The following MFHAS1 variants were observed in gnomAD, a reference collection of about 807,000 sequenced individuals.
MFHAS1 encodes the protein multifunctional ROCO family signaling regulator 1, also known as malignant fibrous histiocytoma-amplified sequence 1.
Under a neutral mutation model 70.4 loss-of-function variants are expected in MFHAS1, and 50 were observed. The ratio of observed to expected loss-of-function variants is 0.71; its 90% CI spans 0.57 to 0.90. The LOEUF (loss-of-function observed/expected upper bound fraction) is 0.90. Among genes scored for constraint, MFHAS1 ranks in the 40% least tolerant of loss-of-function variants. The probability of loss-of-function intolerance (pLI) is 0.00; values close to 1 mark genes in which losing one functional copy is unlikely to be tolerated. For synonymous variants in MFHAS1, 952 were observed against 620.0 expected (o/e 1.54, Z -7.96); for missense variants, 1,795 against 1,347.6 (o/e 1.33, Z -5.20).
intron 1 of MFHAS1, among the ~76,000 whole-genome samples, chr8:8,842,174 C>T (rs936406573): frequency 6.6e-6 from 1 of 151,986 alleles, no homozygotes; most frequent in Non-Finnish European, 1.5e-5. Flanking sequence ...TGTAACTTCA[C>T]AGGTCTGATT....
At chr8:8,863,283 T>G (rs1359139505) in intron 1 of MFHAS1, among the ~76,000 whole-genome samples, 1 of 152,196 alleles carries the variant, frequency 6.6e-6, no homozygotes, top group Non-Finnish European at 1.5e-5. Context: ...GTACTGATTT[T>G]TAAATAATTT....
At chr8:8,786,110 G>A (rs1805533664) in intron 2 of MFHAS1, 55 bp from the exon 3 acceptor site, 2 of 1,459,592 alleles carry the variant, frequency 1.4e-6, no homozygotes, top group Admixed American at 3.3e-5. Flanking sequence ...ACTGGACAAT[G>A]CTACCCTCAA....
At chr8:8,817,363 G>T (rs143421317) in intron 1 of MFHAS1, among the ~76,000 whole-genome samples, 4 of 152,114 alleles carry the variant, frequency 2.6e-5, no homozygotes, top group African/African-American at 9.7e-5. Context: ...GAGGTAATTC[G>T]CTTAATAAAG....
At chr8:8,879,595 T>C (rs1015833517) in intron 1 of MFHAS1, among the ~76,000 whole-genome samples, 1 of 152,168 alleles carries the variant, frequency 6.6e-6, no homozygotes, top group Non-Finnish European at 1.5e-5. Flanking sequence ...TGTGGCCTGC[T>C]TTGCTCAGTA....
At chr8:8,864,467 G>C (rs1162082759) in intron 1 of MFHAS1, among the ~76,000 whole-genome samples, 3 of 152,104 alleles carry the variant, frequency 2.0e-5, no homozygotes, top group Admixed American at 1.3e-4. Context: ...AATGTTCCTT[G>C]GACCAAATTC....
intron 1 of MFHAS1, among the ~76,000 whole-genome samples, chr8:8,824,053 C>T (rs753773784): frequency 1.3e-4 from 20 of 150,606 alleles, no homozygotes; most frequent in Non-Finnish European, 2.5e-4. Context: ...AAAACAGTTC[C>T]CCCTAGGAGC....
At chr8:8,787,375 C>T (rs908653700) in intron 2 of MFHAS1, among the ~76,000 whole-genome samples, 4 of 152,120 alleles carry the variant, frequency 2.6e-5, no homozygotes, top group Admixed American at 1.3e-4. Flanking sequence ...CCACTGCGCC[C>T]GGCCTCAGCA....
chr8:8,785,273 G>T lies in MFHAS1; in HGVS notation c.*749C>A, dbSNP rs1805498550. 1.3e-5 allele frequency: 2 copies of T among 152,144 alleles called. No homozygotes were observed. Among genetic ancestry groups the T allele is most frequent in the South Asian group, 2.1e-4 (1 of 4,824 alleles). 9.4% of individuals were successfully genotyped at this position (152,144 alleles called of 1,614,324 possible). ...GCGTGCCAGATGATTTATATAGGCA[G>T]GGACCTTCATTGAAAAGAAGGGAAG... On this transcript the variant is annotated 3_prime_UTR_variant, in exon 3 of 3. Coordinates refer to ENST00000276282, the MANE Select transcript of MFHAS1 (RefSeq NM_004225.3).
intron 1 of MFHAS1, among the ~76,000 whole-genome samples, chr8:8,879,273 C>T (rs1478767111): frequency 6.6e-6 from 1 of 152,034 alleles, no homozygotes; most frequent in African/African-American, 2.4e-5. Flanking sequence ...ATCACTTGAA[C>T]CCGGGAGGCG....
Position 8,891,436 on chromosome 8 carries a change from C to A in MFHAS1, c.1623G>T (p.Leu541=). 2 of 1,612,966 alleles carry A rather than the reference C, an allele frequency of 1.2e-6. No individual in the cohort carries two copies. Among genetic ancestry groups the A allele is most frequent in the Non-Finnish European group, 1.7e-6 (2 of 1,180,026 alleles). ...TCTCCTCCAGCTCACGCTCTCCGCA[C>A]AGGTCTGCGTGGGTGCCCACGATGC... is the stretch of plus-strand genomic sequence containing the variant. ...VVCIVGTHAD[L]CGERELEEKC... Residue 541 remains leucine (L), a synonymous_variant, in exon 1 of 3, where the codon CTG becomes CTT. Transcript: ENST00000276282. The surrounding 1 kb of genome is among the most constrained non-coding windows in gnomAD (Gnocchi z 5.4).
intron 1 of MFHAS1, among the ~76,000 whole-genome samples, chr8:8,878,573 G>A (rs1173294992): frequency 6.6e-6 from 1 of 151,714 alleles, no homozygotes; most frequent in Non-Finnish European, 1.5e-5. Flanking sequence ...CAATAATAAA[G>A]TTGGTAAGTC....
At chr8:8,851,257 A>G (rs1429697152) in intron 1 of MFHAS1, among the ~76,000 whole-genome samples, 1 of 152,164 alleles carries the variant, frequency 6.6e-6, no homozygotes, top group Admixed American at 6.5e-5. Context: ...AATAGAAACT[A>G]TATTTTGTGG....
chr8:8,848,063 G>C (rs562238899), intron 1 of MFHAS1, among the ~76,000 whole-genome samples: 4 of 152,140 alleles, frequency 2.6e-5, no homozygotes, highest in Non-Finnish European at 5.9e-5. Flanking sequence ...CTAGACACTG[G>C]GTTGCAACTG....
chr8:8,847,557 A>G (rs1488022527), intron 1 of MFHAS1, among the ~76,000 whole-genome samples: 2 of 152,212 alleles, frequency 1.3e-5, no homozygotes, highest in Non-Finnish European at 2.9e-5. Context: ...AAAAGACAGA[A>G]TGGAAATTCA....
intron 1 of MFHAS1, among the ~76,000 whole-genome samples, chr8:8,874,148 C>G (rs1248482152): frequency 6.6e-6 from 1 of 152,020 alleles, no homozygotes; most frequent in African/African-American, 2.4e-5. Context: ...GTTCCGAGCA[C>G]AGAGAGGGAT....
At chr8:8,851,087 G>A (rs1467079014) in intron 1 of MFHAS1, among the ~76,000 whole-genome samples, 2 of 152,144 alleles carry the variant, frequency 1.3e-5, no homozygotes, top group Non-Finnish European at 2.9e-5. Flanking sequence ...TGCCTCAAGA[G>A]GTTAGGAGAA....
chr8:8,832,400 T>C (rs921959543), intron 1 of MFHAS1, among the ~76,000 whole-genome samples: 1 of 143,188 alleles, frequency 7.0e-6, no homozygotes, highest in African/African-American at 2.6e-5. Context: ...CTATTAAAAA[T>C]GGGCAAAAAT....
At chr8:8,821,724 C>G (rs748576531) in intron 1 of MFHAS1, 12 of 152,230 alleles carry the variant, frequency 7.9e-5, no homozygotes, top group Non-Finnish European at 1.3e-4. Flanking sequence ...GGTTTTCCAT[C>G]AAGGTTTTAA....
chr8:8,877,874 A>C (rs1809355624), intron 1 of MFHAS1, among the ~76,000 whole-genome samples: 1 of 152,150 alleles, frequency 6.6e-6, no homozygotes, highest in Admixed American at 6.5e-5. Flanking sequence ...TTAAACAAAG[A>C]AGTCTCTCCC....
Sources: gnomAD v4.1 joint callset for allele counts (sites outside exome capture counted in the v4.1 genomes callset) on GRCh38, gnomAD v4.1.1 for gene constraint, Gnocchi (gnomAD v3.1) non-coding constraint, MANE v1.5 for transcripts, NCBI Gene and HGNC (gene_info 2026-07-23, HGNC 2026-07-21) for gene names.